NRF1: variants seen among roughly 807,000 people sequenced by gnomAD.
NRF1 encodes nuclear respiratory factor 1.
A neutral mutation model predicts 58.5 loss-of-function variants in NRF1; 5 were observed. The observed-to-expected ratio is 0.09, with a 90% CI of 0.04 to 0.18. The LOEUF is 0.18. NRF1 is among the 10% of genes least tolerant of loss of function. NRF1 has a pLI of 1.00. For synonymous variants in NRF1, 224 were observed against 246.7 expected, an observed-to-expected ratio of 0.91 and a Z score of 0.86; for missense variants, 288 against 657.7, an observed-to-expected ratio of 0.44 and a Z score of 6.15.
chr7:129,679,346 G>C (rs997832885), intron 4 of NRF1, among the ~76,000 whole-genome samples: 1 of 152,180 alleles, frequency 6.6e-6, no homozygotes, highest in Non-Finnish European at 1.5e-5. Flanking sequence ...ACAACATGCA[G>C]AGTGGGAGAA....
intron 5 of NRF1, among the ~76,000 whole-genome samples, chr7:129,705,786 GA>G (rs940147657): frequency 6.6e-6 from 1 of 151,724 alleles, no homozygotes; most frequent in African/African-American, 2.4e-5. Context: ...GAAAAGTAAA[GA>G]AAAAAAATAG....
chr7:129,743,907 A>G (rs1803906852), intron 10 of NRF1, among the ~76,000 whole-genome samples: 1 of 152,200 alleles, frequency 6.6e-6, no homozygotes, highest in African/African-American at 2.4e-5. Flanking sequence ...AGAAAATCAC[A>G]TCACAAATTC....
At chr7:129,734,928 A>G in intron 10 of NRF1, 1 of 349,290 alleles carries the variant, frequency 2.9e-6, no homozygotes, top group Non-Finnish European at 4.0e-6. Context: ...CAGCCTTCCC[A>G]CCTGTCTCTA....
intron 1 of NRF1, among the ~76,000 whole-genome samples, chr7:129,619,459 C>CATT (rs1554401510): frequency 1.6e-4 from 10 of 61,158 alleles, no homozygotes; most frequent in African/African-American, 6.7e-4. Context: ...TATATATACA[C>CATT]GTGTGTGTGT....
At chr7:129,618,109 A>G (rs1268612187) in intron 1 of NRF1, among the ~76,000 whole-genome samples, 1 of 152,158 alleles carries the variant, frequency 6.6e-6, no homozygotes, top group Admixed American at 6.5e-5. Context: ...TGTGATGTAA[A>G]AGGACATCGA....
chr7:129,627,700 G>C (rs1405248114), intron 1 of NRF1, among the ~76,000 whole-genome samples: 1 of 152,062 alleles, frequency 6.6e-6, no homozygotes, highest in African/African-American at 2.4e-5. Context: ...TGTCCTTATA[G>C]GCTGACTCAG....
intron 10 of NRF1, among the ~76,000 whole-genome samples, chr7:129,748,582 G>A (rs934247376): frequency 4.6e-5 from 7 of 152,364 alleles, no homozygotes; most frequent in Admixed American, 2.0e-4. Flanking sequence ...TGAGGGGATA[G>A]TGTAGGGTGT....
At chr7:129,679,408 T>C (rs1387296472) in intron 4 of NRF1, among the ~76,000 whole-genome samples, 1 of 152,178 alleles carries the variant, frequency 6.6e-6, no homozygotes, top group Non-Finnish European at 1.5e-5. Context: ...GTAGAGAATA[T>C]ATAAAGAATT....
rs140579076 is a variant in NRF1, at chr7:129,619,081, A to C, written c.-7+7257A>C. 1.8e-3 allele frequency among the ~76,000 whole-genome samples: 276 copies of C among 152,148 alleles called. 7 individuals are homozygous for C. In the East Asian group the frequency reaches 0.044, roughly 24 times the overall value. The stretch of plus-strand genomic sequence containing the variant: ...TGCTTAACCATATCAGGAGTGAAGA[A>C]AAAAAACTAAGGGCAACCTTGAAGA... On this transcript the variant is annotated intron_variant, in intron 1 of 10. Transcript: ENST00000393232.
chr7:129,661,910 A>G (rs1355084088), intron 2 of NRF1, among the ~76,000 whole-genome samples: 1 of 150,684 alleles, frequency 6.6e-6, no homozygotes, highest in Non-Finnish European at 1.5e-5. Context: ...TGGGAAGAAA[A>G]GAGGTTTCGG....
intron 3 of NRF1, among the ~76,000 whole-genome samples, chr7:129,673,390 G>A (rs550070779): frequency 6.6e-6 from 1 of 152,278 alleles, no homozygotes; most frequent in South Asian, 2.1e-4. Context: ...ATTTCAGAGG[G>A]AAGAGGCAGT....
intron 1 of NRF1, among the ~76,000 whole-genome samples, chr7:129,628,083 G>A (rs964853184): frequency 1.3e-4 from 15 of 118,230 alleles, no homozygotes; most frequent in Admixed American, 1.3e-4. Flanking sequence ...TTGCTCTGTC[G>A]CCCAGGCAGG....
At chr7:129,708,949 C>T (rs1288451330) in intron 5 of NRF1, 126 bp from the exon 6 acceptor site, 4 of 746,812 alleles carry the variant, frequency 5.4e-6, no homozygotes, top group Non-Finnish European at 7.8e-6. Context: ...TTTCATCAGT[C>T]ACATCTTAGA....
In NRF1 at chr7:129,642,756, AATT is replaced by A. The variant is rs1433465099; in HGVS notation, c.-6-14589_-6-14587del. Among the ~76,000 whole-genome samples the A allele has an allele frequency of 7.6e-5, 10 of 131,694 alleles. 1 individual carries two copies. Among genetic ancestry groups the A allele is most frequent in the African/African-American group, 7.8e-5 (3 of 38,660 alleles). 86.4% of individuals were successfully genotyped at this position (131,694 alleles called of 152,430 possible). On this transcript the variant is annotated intron_variant, in intron 1 of 10. Coordinates refer to ENST00000393232, the MANE Select transcript of NRF1 (RefSeq NM_005011.5). ...TTCTAAAAGAATACATTCTTTAAAAAATTTTTTTTTTTTTTTTTTTAAATGAGA... is the reference window on the plus strand; with the variant it reads ...TTCTAAAAGAATACATTCTTTAAAAATTTTTTTTTTTTTTTTTAAATGAGA...
intron 2 of NRF1, among the ~76,000 whole-genome samples, chr7:129,662,163 G>A (rs112108368): frequency 0.02 from 2,933 of 149,200 alleles, 143 homozygotes; most frequent in African/African-American, 0.07. Context: ...ACATGTGGGA[G>A]TTATGAGAGT....
intron 2 of NRF1, among the ~76,000 whole-genome samples, chr7:129,665,768 A>G (rs1463538705): frequency 6.6e-6 from 1 of 152,150 alleles, no homozygotes; most frequent in Non-Finnish European, 1.5e-5. Context: ...GCACGCCACC[A>G]TGCCCAGCTA....
chr7:129,729,136 T>G (rs1354205253), intron 10 of NRF1, among the ~76,000 whole-genome samples: 1 of 152,222 alleles, frequency 6.6e-6, no homozygotes, highest in African/African-American at 2.4e-5. Flanking sequence ...GGAAACTTTA[T>G]TATCCATTCT....
chr7:129,682,109 T>C (rs576462456), intron 4 of NRF1, among the ~76,000 whole-genome samples: 4 of 149,324 alleles, frequency 2.7e-5, no homozygotes, highest in African/African-American at 7.4e-5. Context: ...ACCAGACATA[T>C]ATACATACCC....
At position 129,683,134 on chromosome 7, in the gene NRF1, C is replaced by T. The variant is rs1417781214; in HGVS notation, c.465+5376C>T. On this transcript the variant is annotated intron_variant, in intron 4 of 10. Transcript: ENST00000393232. ...GCCGGGCTGGTCTTGAACTCCTGAC[C>T]TCAAGTGATTTGCCTGCCTTGGCCT... 2.0e-5 allele frequency among the ~76,000 whole-genome samples: 3 copies of T among 151,964 alleles called. No homozygotes were observed. In the South Asian group the frequency reaches 6.2e-4, roughly 32 times the overall value.
Sources: allele counts gnomAD v4.1 joint callset (sites outside exome capture counted in the v4.1 genomes callset), GRCh38; gene constraint gnomAD v4.1.1; transcripts MANE v1.5; gene names NCBI Gene and HGNC (gene_info 2026-07-23, HGNC 2026-07-21).